BSN: variants seen among roughly 807,000 people sequenced by gnomAD.
BSN encodes protein bassoon.
BSN carries 57 observed loss-of-function variants against 264.8 expected under a neutral mutation model. The ratio of observed to expected loss-of-function variants is 0.22; its 90% CI spans 0.17 to 0.27. The LOEUF is 0.27. Ranked by LOEUF, BSN falls within the 10% of genes least tolerant of loss-of-function variation. The pLI is 1.00. For missense variants in BSN, 4,615 were observed against 5,232.5 expected (o/e 0.88, Z 3.64); for synonymous variants, 2,059 against 2,137.3 (o/e 0.96, Z 1.01).
In BSN at chr3:49,661,915, G is replaced by T; in HGVS notation, c.10070G>T (p.Arg3357Leu). 1 of 1,613,866 alleles carries T rather than the reference G, an allele frequency of 6.2e-7. No homozygotes were observed. Among genetic ancestry groups the T allele is most frequent in the East Asian group, 2.2e-5 (1 of 44,880 alleles). ...SLAPAAISSK[R>L]SKHRKQGMEQ... ...GCTCCAGCTGCCATCTCCTCAAAGC[G>T]CAGCAAGCACCGGAAGCAGGGCATG... Residue 3357 changes from arginine (R) to leucine (L), a missense_variant, in exon 6 of 12, where the codon CGC (arginine) becomes CTC (leucine). This residue lies in a region of BSN where 3,415 missense variants were observed against 3,866.4 expected (regional missense o/e 0.88). Coordinates refer to ENST00000296452, the MANE Select transcript of BSN (RefSeq NM_003458.4).
chr3:49,587,661 G>T (rs914522372), intron 1 of BSN, among the ~76,000 whole-genome samples: 1 of 152,150 alleles, frequency 6.6e-6, no homozygotes, highest in Non-Finnish European at 1.5e-5. Flanking sequence ...TTTCCTATTG[G>T]TTGCTTGATT....
intron 1 of BSN, among the ~76,000 whole-genome samples, chr3:49,592,399 G>A (rs2051985170): frequency 1.3e-5 from 2 of 150,354 alleles, no homozygotes; most frequent in South Asian, 2.1e-4. Context: ...GTGAGCCACC[G>A]TGCCCGACCA....
At chr3:49,622,429 T>G (rs1160014081) in intron 1 of BSN, among the ~76,000 whole-genome samples, 1 of 152,202 alleles carries the variant, frequency 6.6e-6, no homozygotes, top group Non-Finnish European at 1.5e-5. Context: ...AAGACATTGC[T>G]TGTTTATTCA....
At chr3:49,664,642 G>A in intron 9 of BSN, 88 bp downstream of exon 9, 1 of 1,546,314 alleles carries the variant, frequency 6.5e-7, no homozygotes, top group Non-Finnish European at 8.7e-7. Context: ...AGTCACCCAG[G>A]CAGAGGCCAG....
intron 2 of BSN, among the ~76,000 whole-genome samples, chr3:49,637,570 C>T (rs895480617): frequency 1.3e-5 from 2 of 152,142 alleles, no homozygotes; most frequent in Non-Finnish European, 2.9e-5. Context: ...CAGCTTGGGC[C>T]CCAAGCCTCT....
intron 1 of BSN, 63 bp downstream of exon 1, chr3:49,554,889 C>T (rs2051653160): frequency 3.0e-6 from 3 of 1,014,810 alleles, no homozygotes; most frequent in South Asian, 9.9e-5. Flanking sequence ...GACCCGGGCC[C>T]AGGATCCCGC....
intron 1 of BSN, among the ~76,000 whole-genome samples, chr3:49,609,572 G>A (rs1375694010): frequency 2.0e-5 from 3 of 152,140 alleles, no homozygotes; most frequent in Non-Finnish European, 4.4e-5. Context: ...GAAGGCTGTG[G>A]GCAAGGGTGT....
At chr3:49,579,092 A>G (rs971634737) in intron 1 of BSN, among the ~76,000 whole-genome samples, 1 of 151,688 alleles carries the variant, frequency 6.6e-6, no homozygotes, top group African/African-American at 2.4e-5. Flanking sequence ...GGCTCAAGAG[A>G]TCCTCCCACC....
chr3:49,625,413 A>C lies in BSN; in HGVS notation c.633+30A>C. 1 of 1,426,978 alleles carries C rather than the reference A, an allele frequency of 7.0e-7. No homozygotes were observed. The highest frequency in any genetic ancestry group is 9.2e-7 in the Non-Finnish European group (1 of 1,091,532). The allele number at this position is 1,426,978 out of a possible 1,614,324, so 88.4% of individuals were successfully genotyped here. On this transcript the variant is annotated intron_variant, in intron 2 of 11. Coordinates refer to ENST00000296452, the MANE Select transcript of BSN (RefSeq NM_003458.4). The surrounding 1 kb of genome is among the most constrained non-coding windows in gnomAD (Gnocchi z 4.4). Reference sequence around the variant, plus strand: ...CCACTTCTGCGCCGGCTCCCCACTCACCTGCTACCTCATTACCATACCTCC... The same window carrying C: ...CCACTTCTGCGCCGGCTCCCCACTCCCCTGCTACCTCATTACCATACCTCC...
intron 1 of BSN, among the ~76,000 whole-genome samples, chr3:49,583,032 A>C (rs1047701756): frequency 6.6e-6 from 1 of 151,766 alleles, no homozygotes; most frequent in Non-Finnish European, 1.5e-5. Flanking sequence ...GCAGTGGTGC[A>C]ATCTTGGCCC....
intron 1 of BSN, among the ~76,000 whole-genome samples, chr3:49,605,760 A>T (rs1451418514): frequency 7.6e-5 from 6 of 78,958 alleles, no homozygotes; most frequent in African/African-American, 3.1e-4. Context: ...ATATATAAAT[A>T]TATATAAAAA....
At position 49,575,124 on chromosome 3, in the gene BSN, A is replaced by G. The variant is rs553480126; in HGVS notation, c.224+20298A>G. 2.0e-5 allele frequency among the ~76,000 whole-genome samples: 3 copies of G among 152,162 alleles called. No individual in the cohort carries two copies. In the South Asian group the frequency reaches 6.2e-4, roughly 32 times the overall value. On this transcript the variant is annotated intron_variant, in intron 1 of 11. Coordinates refer to ENST00000296452, the MANE Select transcript of BSN (RefSeq NM_003458.4). ...CACTTTGGGATGCCAAGGCGGGCAG[A>G]TCACTTGAGGTCAGGCTTGAGTTGC...
chr3:49,609,498 C>T (rs1451880897), intron 1 of BSN, among the ~76,000 whole-genome samples: 1 of 152,130 alleles, frequency 6.6e-6, no homozygotes, highest in Non-Finnish European at 1.5e-5. Context: ...GGTATCCCTG[C>T]CAACGGCACT....
intron 1 of BSN, among the ~76,000 whole-genome samples, chr3:49,589,513 CT>C (rs34301517): frequency 1.4e-5 from 2 of 142,900 alleles, no homozygotes; most frequent in Admixed American, 7.0e-5. Context: ...TTCTTTCTTT[CT>C]TTTTTTTTTT....
chr3:49,596,463 G>T (rs191831855), intron 1 of BSN, among the ~76,000 whole-genome samples: 10 of 152,290 alleles, frequency 6.6e-5, no homozygotes, highest in Admixed American at 6.5e-4. Flanking sequence ...TTATGAAGTT[G>T]CAATAATTCC....
chr3:49,589,447 T>G (rs1432068283), intron 1 of BSN, among the ~76,000 whole-genome samples: 1 of 152,064 alleles, frequency 6.6e-6, no homozygotes, highest in African/African-American at 2.4e-5. Flanking sequence ...ACAAATGTTA[T>G]ATCTTTCTAA....
chr3:49,650,794 C>T lies in BSN; in HGVS notation c.1701C>T (p.Pro567=). 1.2e-6 allele frequency: 2 copies of T among 1,613,972 alleles called. No homozygotes were observed. ...AGGGGCTGGGCCAGCCTTCAGGCCCCCTGCCTGCCAAGGCCAGCCCTCTAT... is the reference window on the plus strand; with the variant it reads ...AGGGGCTGGGCCAGCCTTCAGGCCCTCTGCCTGCCAAGGCCAGCCCTCTAT... ...GPQGLGQPSG[P]LPAKASPLST... The change falls in exon 4 of 12, where the codon CCC becomes CCT. Residue 567 remains proline, a synonymous_variant. Coordinates refer to ENST00000296452, the MANE Select transcript of BSN (RefSeq NM_003458.4).
At chr3:49,567,878 G>C (rs2051765890) in intron 1 of BSN, among the ~76,000 whole-genome samples, 1 of 152,182 alleles carries the variant, frequency 6.6e-6, no homozygotes, top group African/African-American at 2.4e-5. Context: ...TCTTCTGAAG[G>C]CTCATCAATT....
At chr3:49,592,652 G>A (rs1413487387) in intron 1 of BSN, among the ~76,000 whole-genome samples, 2 of 151,246 alleles carry the variant, frequency 1.3e-5, no homozygotes, top group Non-Finnish European at 2.9e-5. Context: ...TCGGGAGGCT[G>A]AGGCAGGAGA....
Sources: allele counts gnomAD v4.1 joint callset (sites outside exome capture counted in the v4.1 genomes callset), GRCh38; gene constraint gnomAD v4.1.1; regional missense constraint gnomAD v4.1.1; non-coding constraint Gnocchi (gnomAD v3.1); transcripts MANE v1.5; gene names NCBI Gene and HGNC (gene_info 2026-07-23, HGNC 2026-07-21).